The following ADGRL3 variants were observed in gnomAD, a reference collection of about 807,000 sequenced individuals.
The protein encoded by ADGRL3 is calcium-independent alpha-latrotoxin receptor 3.
In ADGRL3, 62 loss-of-function variants were observed where a neutral mutation model predicts 153.5. The observed-to-expected ratio is 0.40, with a 90% CI of 0.33 to 0.50. The LOEUF (loss-of-function observed/expected upper bound fraction) is 0.50. Among genes scored for constraint, ADGRL3 ranks in the 20% least tolerant of loss-of-function variants. The pLI is 0.47. For missense variants in ADGRL3, 1,641 were observed against 1,859.4 expected (o/e 0.88, Z 2.16); for synonymous variants, 710 against 672.5 (o/e 1.06, Z -0.86).
intron 17 of ADGRL3, among the ~76,000 whole-genome samples, chr4:61,965,936 T>A (rs981918326): frequency 3.3e-5 from 5 of 152,200 alleles, no homozygotes; most frequent in Non-Finnish European, 7.3e-5. Flanking sequence ...CATGGAACTT[T>A]TAAGATGTTA....
chr4:61,373,905 T>C (rs2096571441), intron 1 of ADGRL3, among the ~76,000 whole-genome samples: 1 of 152,196 alleles, frequency 6.6e-6, no homozygotes, highest in Non-Finnish European at 1.5e-5. Flanking sequence ...ATTTATATAC[T>C]CTTCTTTTTA....
chr4:61,607,163 G>A (rs1348991460), intron 5 of ADGRL3, among the ~76,000 whole-genome samples: 2 of 152,130 alleles, frequency 1.3e-5, no homozygotes, highest in African/African-American at 2.4e-5. Context: ...AGTGGGGGAT[G>A]CAATCATAGG....
chr4:61,261,894 T>C (rs1578023039), intron 1 of ADGRL3, among the ~76,000 whole-genome samples: 1 of 152,274 alleles, frequency 6.6e-6, no homozygotes, highest in East Asian at 1.9e-4. Context: ...ACAATGTGTG[T>C]GAAGTTCCAA....
chr4:61,357,118 T>A (rs1251152426), intron 1 of ADGRL3, among the ~76,000 whole-genome samples: 1 of 152,156 alleles, frequency 6.6e-6, no homozygotes, highest in Non-Finnish European at 1.5e-5. Flanking sequence ...GTTTATTTTT[T>A]AATATCTATC....
intron 4 of ADGRL3, among the ~76,000 whole-genome samples, chr4:61,579,900 A>G (rs1048655448): frequency 1.3e-4 from 20 of 152,094 alleles, no homozygotes; most frequent in African/African-American, 4.8e-4. Context: ...AAGAAAGTAG[A>G]TGATGGGTTA....
intron 8 of ADGRL3, among the ~76,000 whole-genome samples, chr4:61,786,353 G>A (rs1175922642): frequency 6.6e-6 from 1 of 152,150 alleles, no homozygotes; most frequent in Non-Finnish European, 1.5e-5. Context: ...CTTTGAGTGA[G>A]GTTATTTGGC....
chr4:61,636,072 GA>G (rs2093409870), intron 5 of ADGRL3, among the ~76,000 whole-genome samples: 1 of 152,038 alleles, frequency 6.6e-6, no homozygotes, highest in South Asian at 2.1e-4. Flanking sequence ...GGCAAAAGGG[GA>G]TACAATTCAC....
chr4:61,459,074 A>G (rs566651777), intron 2 of ADGRL3, among the ~76,000 whole-genome samples: 1 of 151,664 alleles, frequency 6.6e-6, no homozygotes, highest in Admixed American at 6.6e-5. Context: ...TTCACATTCT[A>G]TTAAATAATA....
At chr4:62,016,202 C>T (rs1306616534) in intron 21 of ADGRL3, among the ~76,000 whole-genome samples, 1 of 152,020 alleles carries the variant, frequency 6.6e-6, no homozygotes, top group Non-Finnish European at 1.5e-5. Flanking sequence ...GCACATACTA[C>T]CATGCCCAGC....
intron 2 of ADGRL3, among the ~76,000 whole-genome samples, chr4:61,438,838 G>A (rs1470690853): frequency 6.6e-6 from 1 of 151,592 alleles, no homozygotes; most frequent in Non-Finnish European, 1.5e-5. Flanking sequence ...TTCCCGAGTA[G>A]CTGAGACTAC....
At chr4:61,359,636 AAG>A (rs1392139718) in intron 1 of ADGRL3, among the ~76,000 whole-genome samples, 2 of 152,168 alleles carry the variant, frequency 1.3e-5, no homozygotes, top group African/African-American at 4.8e-5. Context: ...TTCTCAATGA[AAG>A]AGTCTTTGGT....
chr4:61,792,026 C>G (rs913380057), intron 8 of ADGRL3, among the ~76,000 whole-genome samples: 8 of 152,194 alleles, frequency 5.3e-5, no homozygotes, highest in Admixed American at 1.3e-4. Flanking sequence ...GACCTTTTCC[C>G]CTTTGTCTTG....
rs1039323976 is a variant in ADGRL3 at position 61,312,379 on chromosome 4, A to G, written c.-239-70745A>G. 2.0e-5 allele frequency among the ~76,000 whole-genome samples: 3 copies of G among 152,208 alleles called. No homozygotes were observed. The South Asian group carries it at 6.2e-4, about 31-fold the overall frequency. ...CTTGAGTTTGACAAAGACTTTTTAT[A>G]CACACAATCACAGTCAATCCATGGA... On this transcript the variant is annotated intron_variant, in intron 1 of 26. Coordinates refer to ENST00000683033, the MANE Select transcript of ADGRL3 (RefSeq NM_001387552.1).
At chr4:61,810,662 T>C (rs1330807918) in intron 8 of ADGRL3, among the ~76,000 whole-genome samples, 2 of 152,162 alleles carry the variant, frequency 1.3e-5, no homozygotes, top group Non-Finnish European at 2.9e-5. Context: ...GAATCCATAA[T>C]GGCCTTTGGA....
intron 6 of ADGRL3, chr4:61,677,428 G>T (rs775198560): frequency 3.4e-5 from 14 of 406,770 alleles, no homozygotes; most frequent in Non-Finnish European, 6.6e-5. Context: ...AAAAGAACTT[G>T]AAGTACTCTT....
chr4:61,730,324 A>C, intron 6 of ADGRL3, among the ~76,000 whole-genome samples: 1 of 151,880 alleles, frequency 6.6e-6, no homozygotes. Flanking sequence ...CTTATTATGA[A>C]TATTGCATTT....
chr4:61,423,570 G>C (rs2097237300), intron 2 of ADGRL3, among the ~76,000 whole-genome samples: 1 of 152,178 alleles, frequency 6.6e-6, no homozygotes, highest in African/African-American at 2.4e-5. Context: ...ATCTGGCAGA[G>C]AGCAGTATGG....
At chr4:61,627,329 G>T (rs1460688330) in intron 5 of ADGRL3, among the ~76,000 whole-genome samples, 2 of 152,012 alleles carry the variant, frequency 1.3e-5, no homozygotes, top group Non-Finnish European at 1.5e-5. Context: ...ATAATGAATA[G>T]TTAGCCGAAT....
At chr4:61,454,218 G>T (rs1396994963) in intron 2 of ADGRL3, among the ~76,000 whole-genome samples, 2 of 151,960 alleles carry the variant, frequency 1.3e-5, no homozygotes, top group African/African-American at 4.8e-5. Flanking sequence ...AACAACTCCT[G>T]TGACTAGGGT....
Sources: gnomAD v4.1 joint callset for allele counts (sites outside exome capture counted in the v4.1 genomes callset) on GRCh38, gnomAD v4.1.1 for gene constraint, MANE v1.5 for transcripts, NCBI Gene and HGNC (gene_info 2026-07-23, HGNC 2026-07-21) for gene names.